The following LRRC9 variants were observed in gnomAD, a reference collection of about 807,000 sequenced individuals.
LRRC9 encodes leucine-rich repeat-containing protein 9.
In LRRC9, 122 loss-of-function variants were observed where a neutral mutation model predicts 63.2. That is an observed-to-expected ratio of 1.93 (90% CI 1.67 to 2.24). The LOEUF (loss-of-function observed/expected upper bound fraction) is 2.24. Among genes scored for constraint, LRRC9 ranks in the 30% most tolerant of loss-of-function variants. The pLI is 0.00. For missense variants in LRRC9, 1,071 were observed against 627.7 expected (o/e 1.71, Z -7.55); for synonymous variants, 366 against 213.1 (o/e 1.72, Z -6.25).
At chr14:60,044,321 T>C (rs1893223852) in intron 29 of LRRC9, among the ~76,000 whole-genome samples, 1 of 152,116 alleles carries the variant, frequency 6.6e-6, no homozygotes, top group South Asian at 2.1e-4. Flanking sequence ...TATTATTTCT[T>C]TCCTTCTACT....
chr14:60,032,317 T>C (rs1310951218), intron 29 of LRRC9, among the ~76,000 whole-genome samples: 4 of 152,090 alleles, frequency 2.6e-5, no homozygotes, highest in African/African-American at 9.7e-5. Context: ...CAATATTATA[T>C]AGTGTTAATT....
At chr14:60,049,909 G>A (rs1457207106) in intron 29 of LRRC9, among the ~76,000 whole-genome samples, 2 of 151,972 alleles carry the variant, frequency 1.3e-5, no homozygotes, top group African/African-American at 2.4e-5. Flanking sequence ...TCATAGGTTC[G>A]ATCTTTTTAT....
At position 59,958,104 on chromosome 14, in the gene LRRC9, G is replaced by T. The variant is rs1043031799; in HGVS notation, c.883-1714G>T. Among the ~76,000 whole-genome samples the T allele has an allele frequency of 2.6e-5, 4 of 152,236 alleles. No homozygotes were observed. Among genetic ancestry groups the T allele is most frequent in the Middle Eastern group, 3.2e-3 (1 of 316 alleles). ...TGTCTCCCAGTCAGGAGGCACGGGG[G>T]TCAGGAACCCACTTGAGCAGGCAGT... On this transcript the variant is annotated intron_variant, in intron 8 of 31. Coordinates refer to ENST00000445360, the Ensembl canonical transcript of LRRC9. The surrounding 1 kb of genome is among the most constrained non-coding windows in gnomAD (Gnocchi z 4.0).
At chr14:59,978,851 A>C (rs1886603408) in intron 15 of LRRC9, among the ~76,000 whole-genome samples, 1 of 152,166 alleles carries the variant, frequency 6.6e-6, no homozygotes, top group African/African-American at 2.4e-5. Context: ...ATTTTGCCAA[A>C]TTCTCTCCAC....
At chr14:60,007,340 ACAGTAGTTTTACTCCCTCTTGTTTT>A (rs1324208091) in intron 22 of LRRC9, among the ~76,000 whole-genome samples, 3 of 152,164 alleles carry the variant, frequency 2.0e-5, no homozygotes, top group East Asian at 1.9e-4. Context: ...ATTATGATGC[ACAGTAGTTTTACTCCCTCTTGTTTT>A]CAGTAGTTTT....
chr14:59,931,538 AC>A (rs1395994735), intron 4 of LRRC9, 80 bp from the exon 5 acceptor site: 1 of 639,884 alleles, frequency 1.6e-6, no homozygotes, highest in African/African-American at 1.8e-5. Context: ...CACCTGCAGA[AC>A]TAACCAGATT....
In LRRC9 at chr14:59,990,213, C is replaced by T. The variant is rs115255240; in HGVS notation, c.2211+4989C>T. On this transcript the variant is annotated intron_variant, in intron 17 of 31. Transcript: ENST00000445360. The surrounding 1 kb of genome is among the most constrained non-coding windows in gnomAD (Gnocchi z 4.2). ...AAGTGCTGGGATTACAGGCATGAGC[C>T]GCTGTGCCCAGCCTAGATCTTCTTT... Among the ~76,000 whole-genome samples the T allele has an allele frequency of 7.1e-3, 1,083 of 152,096 alleles. 8 individuals are homozygous for T. Among genetic ancestry groups the T allele is most frequent in the African/African-American group, 0.024 (1,012 of 41,492 alleles).
At chr14:59,963,159 C>G (rs1047363304) in intron 10 of LRRC9, among the ~76,000 whole-genome samples, 3 of 152,118 alleles carry the variant, frequency 2.0e-5, no homozygotes, top group African/African-American at 7.2e-5. Context: ...TTCAGTAGAA[C>G]TAGGACTGAA....
At chr14:59,931,886 C>T (rs1465808017) in intron 5 of LRRC9, 83 bp from the exon 6 acceptor site, 16 of 651,342 alleles carry the variant, frequency 2.5e-5, no homozygotes, top group Non-Finnish European at 4.1e-5. Context: ...ATGCAAGAAA[C>T]GATGGCTACA....
At chr14:60,030,537 C>T (rs1233488852) in intron 28 of LRRC9, among the ~76,000 whole-genome samples, 3 of 151,944 alleles carry the variant, frequency 2.0e-5, no homozygotes, top group Non-Finnish European at 4.4e-5. Context: ...TGAAAATAAC[C>T]CCAAGAATAG....
intron 29 of LRRC9, among the ~76,000 whole-genome samples, chr14:60,039,397 CT>C (rs1566899673): frequency 6.6e-6 from 1 of 152,068 alleles, no homozygotes; most frequent in African/African-American, 2.4e-5. Context: ...TGGTCTTGGA[CT>C]TTTTTTGGTT....
intron 29 of LRRC9, among the ~76,000 whole-genome samples, chr14:60,045,335 T>C (rs1893325947): frequency 6.6e-6 from 1 of 152,188 alleles, no homozygotes; most frequent in African/African-American, 2.4e-5. Flanking sequence ...TATGTAAACA[T>C]ATGCCATGGT....
chr14:60,020,371 G>A (rs1891025181), intron 26 of LRRC9, among the ~76,000 whole-genome samples: 1 of 151,662 alleles, frequency 6.6e-6, no homozygotes, highest in African/African-American at 2.4e-5. Flanking sequence ...TGAACATTTT[G>A]GTTGTTCCTA....
At chr14:60,056,172 G>C (rs1894270734) in intron 30 of LRRC9, among the ~76,000 whole-genome samples, 2 of 152,100 alleles carry the variant, frequency 1.3e-5, no homozygotes, top group African/African-American at 4.8e-5. Flanking sequence ...GCCATGTAAG[G>C]CAAGGTATTC....
intron 22 of LRRC9, among the ~76,000 whole-genome samples, chr14:60,007,758 TG>T (rs1889932620): frequency 6.6e-6 from 1 of 152,030 alleles, no homozygotes; most frequent in Non-Finnish European, 1.5e-5. Context: ...CTAAGTGGTC[TG>T]AAAGGGTAAC....
chr14:59,987,329 C>T (rs1164847038), intron 17 of LRRC9, among the ~76,000 whole-genome samples: 1 of 149,944 alleles, frequency 6.7e-6, no homozygotes, highest in Admixed American at 6.7e-5. Context: ...TTTTGGCAAC[C>T]AGTTACATTA....
intron 31 of LRRC9, among the ~76,000 whole-genome samples, 165 bp downstream of exon 32, chr14:60,062,344 G>A (rs540672612): frequency 3.3e-5 from 5 of 152,204 alleles, no homozygotes; most frequent in African/African-American, 7.2e-5. Context: ...TAATTCCCAC[G>A]TTCACCAAAC....
At chr14:59,947,984 G>A (rs1262361807) in intron 8 of LRRC9, among the ~76,000 whole-genome samples, 7 of 151,788 alleles carry the variant, frequency 4.6e-5, no homozygotes, top group South Asian at 2.1e-4. Flanking sequence ...TTGACTTGGC[G>A]ATGCAGGCTC....
intron 10 of LRRC9, among the ~76,000 whole-genome samples, chr14:59,963,908 C>T (rs916110774): frequency 6.6e-6 from 1 of 152,114 alleles, no homozygotes; most frequent in Non-Finnish European, 1.5e-5. Flanking sequence ...AAGCTTCAAA[C>T]ATTTAAAAAC....
Sources: gnomAD v4.1 joint callset for allele counts (sites outside exome capture counted in the v4.1 genomes callset) on GRCh38, gnomAD v4.1.1 for gene constraint, Gnocchi (gnomAD v3.1) non-coding constraint, MANE v1.5 for transcripts, NCBI Gene and HGNC (gene_info 2026-07-23, HGNC 2026-07-21) for gene names.